Variants in HMCN1 observed in about 807,000 individuals in gnomAD.
HMCN1 encodes hemicentin-1.
In HMCN1, 321 loss-of-function variants were observed where a neutral mutation model predicts 625.9. The observed-to-expected ratio is 0.51, with a 90% CI of 0.47 to 0.56. The LOEUF is 0.56. HMCN1 is among the 20% of genes least tolerant of loss of function. HMCN1 has a pLI of 0.00. For missense variants in HMCN1, 6,588 were observed against 6,887.3 expected (o/e 0.96, Z 1.54); for synonymous variants, 2,425 against 2,417.6 (o/e 1.00, Z -0.09).
chr1:186,174,100 G>T (rs1037282624), intron 102 of HMCN1, among the ~76,000 whole-genome samples: 1 of 152,174 alleles, frequency 6.6e-6, no homozygotes, highest in Non-Finnish European at 1.5e-5. Context: ...GGTGTGCTGG[G>T]TTTGAACTAG....
At position 186,132,804 on chromosome 1, in the gene HMCN1, C is replaced by G. The variant is rs559495314; in HGVS notation, c.13312+395C>G. The stretch of plus-strand genomic sequence containing the variant: ...CAAATGCTATACCTCCCCCCACCCC[C>G]CACAACAGGCCCTGGTGTGTGATGT... On this transcript the variant is annotated intron_variant, in intron 86 of 106. Coordinates refer to ENST00000271588, the MANE Select transcript of HMCN1 (RefSeq NM_031935.3). Among the ~76,000 whole-genome samples, 38 of 152,162 alleles carry G rather than the reference C, an allele frequency of 2.5e-4. 2 individuals are homozygous for G. The East Asian group carries it at 7.4e-3, about 30-fold the overall frequency.
At chr1:185,865,703 A>G in intron 3 of HMCN1, 38 bp from the exon 4 acceptor site, 2 of 1,579,216 alleles carry the variant, frequency 1.3e-6, no homozygotes, top group Non-Finnish European at 1.7e-6. Flanking sequence ...ATTTCTGGAA[A>G]CCCTTTACAC....
At chr1:185,855,721 G>A (rs1382873490) in intron 2 of HMCN1, among the ~76,000 whole-genome samples, 1 of 152,152 alleles carries the variant, frequency 6.6e-6, no homozygotes, top group Non-Finnish European at 1.5e-5. Flanking sequence ...AAGATCAGTT[G>A]CCGATGAGTT....
At chr1:186,124,791 CT>C (rs1661566298) in intron 81 of HMCN1, among the ~76,000 whole-genome samples, 1 of 152,020 alleles carries the variant, frequency 6.6e-6, no homozygotes, top group Admixed American at 6.6e-5. Context: ...GGGTCTGCTT[CT>C]GATTTGTTTG....
chr1:185,942,073 C>G (rs1418423203), intron 11 of HMCN1, among the ~76,000 whole-genome samples: 8 of 151,736 alleles, frequency 5.3e-5, no homozygotes, highest in Non-Finnish European at 7.4e-5. Flanking sequence ...TGCCTGTAAT[C>G]CCAGCTACTC....
intron 80 of HMCN1, among the ~76,000 whole-genome samples, chr1:186,120,908 T>A (rs1355825596): frequency 6.6e-6 from 1 of 152,202 alleles, no homozygotes; most frequent in Non-Finnish European, 1.5e-5. Context: ...GAAATAATGA[T>A]AAATTCTGAT....
chr1:185,835,399 C>G (rs1255653144), intron 1 of HMCN1, among the ~76,000 whole-genome samples: 1 of 151,720 alleles, frequency 6.6e-6, no homozygotes, highest in African/African-American at 2.4e-5. Flanking sequence ...ACATGCCTCT[C>G]TCTTCAATTG....
At chr1:185,786,483 GGCAT>G (rs1420811043) in intron 1 of HMCN1, among the ~76,000 whole-genome samples, 2 of 152,098 alleles carry the variant, frequency 1.3e-5, no homozygotes, top group Admixed American at 1.3e-4. Flanking sequence ...GATTCAAATT[GGCAT>G]CTGGGCTTCG....
At chr1:185,879,747 T>A (rs1009907954) in intron 4 of HMCN1, among the ~76,000 whole-genome samples, 2 of 152,142 alleles carry the variant, frequency 1.3e-5, no homozygotes, top group Non-Finnish European at 2.9e-5. Context: ...ACCCAGTTGA[T>A]GGCAAGTTCA....
At chr1:186,034,199 A>T (rs1239223127) in intron 36 of HMCN1, among the ~76,000 whole-genome samples, 3 of 152,166 alleles carry the variant, frequency 2.0e-5, no homozygotes, top group Admixed American at 2.0e-4. Flanking sequence ...GGCTTTGAAG[A>T]TGGAGGAAAT....
At chr1:186,007,437 G>T (rs963787422) in intron 30 of HMCN1, among the ~76,000 whole-genome samples, 155 bp downstream of exon 30, 1 of 152,064 alleles carries the variant, frequency 6.6e-6, no homozygotes, top group Non-Finnish European at 1.5e-5. Flanking sequence ...GTTTTAAAAG[G>T]CTAGAATATT....
intron 1 of HMCN1, among the ~76,000 whole-genome samples, chr1:185,746,262 C>T (rs11589747): frequency 0.054 from 8,177 of 152,248 alleles, 306 homozygotes; most frequent in Non-Finnish European, 0.079. Context: ...TCTGGCTCCA[C>T]CAGTTACTTG....
intron 1 of HMCN1, among the ~76,000 whole-genome samples, chr1:185,827,941 G>A (rs1289559324): frequency 1.3e-5 from 2 of 152,128 alleles, no homozygotes; most frequent in Non-Finnish European, 2.9e-5. Flanking sequence ...GAAAATAATG[G>A]AGCAAAATCT....
chr1:186,014,294 A>G (rs905062281), intron 30 of HMCN1, among the ~76,000 whole-genome samples: 1 of 151,326 alleles, frequency 6.6e-6, no homozygotes, highest in Non-Finnish European at 1.5e-5. Flanking sequence ...TATAGATTAT[A>G]TTGATACTTA....
At chr1:185,914,566 T>A (rs1666597505) in intron 6 of HMCN1, among the ~76,000 whole-genome samples, 1 of 152,038 alleles carries the variant, frequency 6.6e-6, no homozygotes, top group African/African-American at 2.4e-5. Flanking sequence ...CAAATATAAT[T>A]TTGTACTGTC....
At chr1:186,155,115 A>G (rs1263478265) in intron 97 of HMCN1, among the ~76,000 whole-genome samples, 1 of 152,214 alleles carries the variant, frequency 6.6e-6, no homozygotes, top group Non-Finnish European at 1.5e-5. Context: ...CCATTTTATC[A>G]TGTTTAGCAG....
chr1:185,809,821 G>A (rs1175475579), intron 1 of HMCN1, among the ~76,000 whole-genome samples: 3 of 152,068 alleles, frequency 2.0e-5, no homozygotes, highest in Admixed American at 2.0e-4. Flanking sequence ...AAAGGCTTAA[G>A]ATACTTTTTG....
chr1:186,165,138 G>T lies in HMCN1; in HGVS notation c.15284G>T (p.Gly5095Val). Residue 5095 changes from glycine (G) to valine (V), a missense_variant, in exon 98 of 107, where the codon GGG becomes GTG. This residue lies in a region of HMCN1 where 1,954 missense variants were observed against 2,013.1 expected (regional missense o/e 0.97). Transcript: ENST00000271588. ...KGDRSNQCPS[G>V]FTLDSVGPFC... ...GATCGCAGTAATCAGTGCCCCTCCG[G>T]GTTTACCTTAGACTCAGTTGGACCT... is the stretch of plus-strand genomic sequence containing the variant. 2.5e-6 allele frequency: 4 copies of T among 1,613,892 alleles called. No individual in the cohort carries two copies. Among genetic ancestry groups the T allele is most frequent in the Non-Finnish European group, 1.7e-6 (2 of 1,179,956 alleles).
chr1:185,936,755 A>C (rs1667831651), intron 11 of HMCN1, among the ~76,000 whole-genome samples: 1 of 152,308 alleles, frequency 6.6e-6, no homozygotes, highest in East Asian at 1.9e-4. Flanking sequence ...GTCAGTTAGA[A>C]ATTTTAGAAA....
Sources: gnomAD v4.1 joint callset for allele counts (sites outside exome capture counted in the v4.1 genomes callset) on GRCh38, gnomAD v4.1.1 for gene constraint, gnomAD v4.1.1 regional missense constraint, MANE v1.5 for transcripts, NCBI Gene and HGNC (gene_info 2026-07-23, HGNC 2026-07-21) for gene names.